The following TENM2 variants were observed in gnomAD, a reference collection of about 807,000 sequenced individuals.
The protein encoded by TENM2 is teneurin-2.
A neutral mutation model predicts 245.2 loss-of-function variants in TENM2; 52 were observed. That is an observed-to-expected ratio of 0.21 (90% CI 0.17 to 0.27). TENM2 has a LOEUF of 0.27. Ranked by LOEUF, TENM2 falls within the 10% of genes least tolerant of loss-of-function variation. The pLI is 1.00. For missense variants in TENM2, 3,046 were observed against 3,666.8 expected, an observed-to-expected ratio of 0.83 and a Z score of 4.37; for synonymous variants, 1,363 against 1,438.9, an observed-to-expected ratio of 0.95 and a Z score of 1.19.
intron 2 of TENM2, among the ~76,000 whole-genome samples, chr5:167,570,848 T>G (rs1375160730): frequency 6.6e-6 from 1 of 152,150 alleles, no homozygotes; most frequent in African/African-American, 2.4e-5. Flanking sequence ...ATGATTGTGG[T>G]GGGGGAAGAA....
chr5:168,117,665 G>A (rs1795178480), intron 9 of TENM2, among the ~76,000 whole-genome samples: 1 of 152,142 alleles, frequency 6.6e-6, no homozygotes, highest in Non-Finnish European at 1.5e-5. Flanking sequence ...GGATACAGGG[G>A]GACTACTTCA....
At chr5:167,355,868 A>ATTT (rs11406123) in intron 1 of TENM2, among the ~76,000 whole-genome samples, 43 of 140,304 alleles carry the variant, frequency 3.1e-4, no homozygotes, top group South Asian at 2.3e-3. Context: ...ATGACCCTTA[A>ATTT]TTTTTTTTTT....
intron 5 of TENM2, among the ~76,000 whole-genome samples, chr5:168,045,729 T>C (rs937647222): frequency 2.6e-5 from 4 of 152,176 alleles, no homozygotes; most frequent in Non-Finnish European, 5.9e-5. Context: ...TTTTAAAAAA[T>C]TATTTTAAAA....
the TENM2 span, among the ~76,000 whole-genome samples, chr5:167,164,059 C>CTT: frequency 2.6e-5 from 4 of 151,374 alleles, no homozygotes. Context: ...AAAGTAAACC[C>CTT]TTTTTTTTTC....
chr5:167,839,847 T>A, intron 2 of TENM2, among the ~76,000 whole-genome samples: 1 of 152,232 alleles, frequency 6.6e-6, no homozygotes, highest in African/African-American at 2.4e-5. Context: ...GATGGAATTT[T>A]GCTTTTTTTG....
chr5:167,923,587 T>G (rs545821685), intron 3 of TENM2, among the ~76,000 whole-genome samples: 1 of 152,314 alleles, frequency 6.6e-6, no homozygotes, highest in African/African-American at 2.4e-5. Context: ...CAGTCCACAC[T>G]TGAGGTCCTA....
chr5:168,130,574 G>GCCACCA lies in TENM2; in HGVS notation c.2422+3618_2422+3623dup, dbSNP rs71593162. Among the ~76,000 whole-genome samples, 151 of 152,200 alleles carry GCCACCA rather than the reference G, an allele frequency of 9.9e-4. 2 individuals carry two copies. In the South Asian group the frequency reaches 0.019, roughly 19 times the overall value. On this transcript the variant is annotated intron_variant, in intron 12 of 28. Coordinates refer to ENST00000518659, the Ensembl canonical transcript of TENM2. Reference sequence around the variant, plus strand: ...AAATGGGTTGTTGTTCCTGTCATCTGCCACCACCACCACCATCACCCCTTG... The same window carrying GCCACCA: ...AAATGGGTTGTTGTTCCTGTCATCTGCCACCACCACCACCACCACCATCACCCCTTG...
At chr5:167,237,735 C>T in the TENM2 span, among the ~76,000 whole-genome samples, 33,153 of 151,728 alleles carry the variant, frequency 0.22, 4,213 homozygotes, top group African/African-American at 0.36. Flanking sequence ...GTGCTGTGGG[C>T]GGGGCCCGAT....
At chr5:167,573,011 A>G (rs943027280) in intron 2 of TENM2, among the ~76,000 whole-genome samples, 1 of 151,890 alleles carries the variant, frequency 6.6e-6, no homozygotes, top group African/African-American at 2.4e-5. Context: ...GAAGAGAAAC[A>G]CCGTTTAAAC....
At chr5:167,696,694 C>G (rs1455758861) in intron 2 of TENM2, among the ~76,000 whole-genome samples, 2 of 152,204 alleles carry the variant, frequency 1.3e-5, no homozygotes, top group Non-Finnish European at 2.9e-5. Context: ...ACCAGTTGCT[C>G]TTTGATCTCA....
intron 2 of TENM2, among the ~76,000 whole-genome samples, chr5:167,553,159 C>T (rs1479373748): frequency 6.6e-6 from 1 of 152,126 alleles, no homozygotes; most frequent in Non-Finnish European, 1.5e-5. Flanking sequence ...GAGTCATGTG[C>T]TGAAACTAAA....
chr5:167,489,666 A>G, intron 2 of TENM2, among the ~76,000 whole-genome samples: 1 of 152,164 alleles, frequency 6.6e-6, no homozygotes, highest in East Asian at 1.9e-4. Flanking sequence ...ATGCTTCATT[A>G]AGGCTGGGAT....
chr5:167,300,290 C>T (rs1293086977), intron 1 of TENM2, among the ~76,000 whole-genome samples: 1 of 152,156 alleles, frequency 6.6e-6, no homozygotes, highest in African/African-American at 2.4e-5. Flanking sequence ...GTCTGTGAAG[C>T]CTTGCGGCAG....
At chr5:168,115,130 C>T (rs1794953610) in intron 9 of TENM2, among the ~76,000 whole-genome samples, 1 of 151,998 alleles carries the variant, frequency 6.6e-6, no homozygotes, top group South Asian at 2.1e-4. Context: ...CCCATCTCTA[C>T]TAAAAATACA....
At chr5:168,029,934 T>C (rs1020155145) in intron 5 of TENM2, among the ~76,000 whole-genome samples, 1 of 152,032 alleles carries the variant, frequency 6.6e-6, no homozygotes, top group Admixed American at 6.5e-5. Context: ...GAAAGCAGAG[T>C]TCTGACAGAG....
At chr5:167,445,128 T>C (rs1765083884) in intron 2 of TENM2, among the ~76,000 whole-genome samples, 1 of 152,078 alleles carries the variant, frequency 6.6e-6, no homozygotes, top group African/African-American at 2.4e-5. Flanking sequence ...GTATTGATAG[T>C]AGTAGTATCC....
intron 12 of TENM2, among the ~76,000 whole-genome samples, chr5:168,154,930 T>C (rs941889182): frequency 2.0e-5 from 3 of 152,222 alleles, no homozygotes; most frequent in African/African-American, 7.2e-5. Flanking sequence ...TTGCCACGTC[T>C]TTTCTAACAA....
At chr5:167,539,359 G>GT (rs1180177448) in intron 2 of TENM2, among the ~76,000 whole-genome samples, 7 of 152,158 alleles carry the variant, frequency 4.6e-5, no homozygotes, top group South Asian at 4.2e-4. Context: ...GCATATGGAG[G>GT]TTTTTTCAGG....
intron 2 of TENM2, among the ~76,000 whole-genome samples, chr5:167,796,640 G>A (rs1765341174): frequency 6.6e-6 from 1 of 152,092 alleles, no homozygotes; most frequent in African/African-American, 2.4e-5. Flanking sequence ...GTGTGCGTGT[G>A]CAGAATTGTT....
Sources: gnomAD v4.1 joint callset for allele counts (sites outside exome capture counted in the v4.1 genomes callset) on GRCh38, gnomAD v4.1.1 for gene constraint, MANE v1.5 for transcripts, NCBI Gene and HGNC (gene_info 2026-07-23, HGNC 2026-07-21) for gene names.